The following MMP16 variants were observed in gnomAD, a reference collection of about 807,000 sequenced individuals.
MMP16 encodes matrix metalloproteinase-16.
Under a neutral mutation model 67.8 loss-of-function variants are expected in MMP16, and 12 were observed. The observed-to-expected ratio is 0.18, with a 90% CI of 0.11 to 0.29. The LOEUF (loss-of-function observed/expected upper bound fraction) is 0.29. Ranked by LOEUF, MMP16 falls within the 10% of genes least tolerant of loss-of-function variation. MMP16 has a pLI of 1.00. For missense variants in MMP16, 475 were observed against 765.7 expected, an observed-to-expected ratio of 0.62 and a Z score of 4.48; for synonymous variants, 249 against 255.9, an observed-to-expected ratio of 0.97 and a Z score of 0.26.
At chr8:88,142,888 C>T (rs1808235167) in intron 4 of MMP16, among the ~76,000 whole-genome samples, 1 of 152,032 alleles carries the variant, frequency 6.6e-6, no homozygotes, top group Non-Finnish European at 1.5e-5. Flanking sequence ...CTCGATTGTT[C>T]TATTGTCAAT....
intron 3 of MMP16, among the ~76,000 whole-genome samples, chr8:88,185,102 T>G (rs1809052898): frequency 6.6e-6 from 1 of 152,150 alleles, no homozygotes. Flanking sequence ...GTAAGTAGCA[T>G]AAGACAATAA....
intron 4 of MMP16, among the ~76,000 whole-genome samples, chr8:88,129,810 T>C (rs1480452957): frequency 1.3e-5 from 2 of 151,618 alleles, no homozygotes; most frequent in Non-Finnish European, 3.0e-5. Context: ...CACATATATG[T>C]ATAAAAATTC....
chr8:88,295,494 T>A (rs1810997580), intron 1 of MMP16, among the ~76,000 whole-genome samples: 1 of 152,196 alleles, frequency 6.6e-6, no homozygotes, highest in Admixed American at 6.5e-5. Flanking sequence ...CACAGCCCAA[T>A]AAAATCAGTA....
intron 1 of MMP16, among the ~76,000 whole-genome samples, chr8:88,264,360 C>T (rs940423337): frequency 1.7e-4 from 26 of 152,022 alleles, no homozygotes; most frequent in Non-Finnish European, 3.1e-4. Context: ...TCACCACACC[C>T]GGCTGATTTT....
intron 3 of MMP16, among the ~76,000 whole-genome samples, chr8:88,173,671 T>C (rs1399617784): frequency 6.6e-6 from 1 of 152,236 alleles, no homozygotes; most frequent in East Asian, 1.9e-4. Flanking sequence ...GAATGTGCTG[T>C]AATATTCTAT....
intron 1 of MMP16, among the ~76,000 whole-genome samples, chr8:88,219,846 T>G (rs757062557): frequency 6.6e-6 from 1 of 152,158 alleles, no homozygotes; most frequent in Non-Finnish European, 1.5e-5. Flanking sequence ...ATTTTTGAGT[T>G]GAATTTTTCA....
At chr8:88,088,127 G>A (rs1808873914) in intron 6 of MMP16, among the ~76,000 whole-genome samples, 1 of 136,304 alleles carries the variant, frequency 7.3e-6, no homozygotes, top group Non-Finnish European at 1.5e-5. Context: ...GAAGACGTCT[G>A]ACTGCGATCA....
intron 6 of MMP16, 97 bp from the exon 7 acceptor site, chr8:88,074,840 CT>C (rs1360166809): frequency 4.9e-6 from 7 of 1,420,836 alleles, no homozygotes; most frequent in Non-Finnish European, 5.7e-6. Flanking sequence ...AGCTGGTTTC[CT>C]TATTTATTGT....
chr8:88,275,358 C>A (rs529282708), intron 1 of MMP16, among the ~76,000 whole-genome samples: 71 of 151,974 alleles, frequency 4.7e-4, no homozygotes, highest in African/African-American at 1.7e-3. Flanking sequence ...TTATATAATG[C>A]CTTTCCTTAA....
intron 1 of MMP16, among the ~76,000 whole-genome samples, chr8:88,285,292 A>C (rs1297274618): frequency 6.6e-6 from 1 of 151,992 alleles, no homozygotes; most frequent in Non-Finnish European, 1.5e-5. Flanking sequence ...GGCGCCTGCC[A>C]CCACGCCCAG....
chr8:88,186,462 G>T lies in MMP16; in HGVS notation c.404+14C>A, dbSNP rs772770567. 1 of 1,612,182 alleles carries T rather than the reference G, an allele frequency of 6.2e-7. No homozygotes were observed. The highest frequency in any genetic ancestry group is 2.2e-5 in the East Asian group (1 of 44,848). ...ATATGGGGAAAAGGGGAGATTAATC[G>T]TGAGTTCTTATACCTGTAAGTGATG... On this transcript the variant is annotated intron_variant, in intron 3 of 9. Coordinates refer to ENST00000286614, the MANE Select transcript of MMP16 (RefSeq NM_005941.5).
At chr8:88,081,508 G>A (rs1419959137) in intron 6 of MMP16, among the ~76,000 whole-genome samples, 2 of 152,074 alleles carry the variant, frequency 1.3e-5, no homozygotes, top group Non-Finnish European at 2.9e-5. Flanking sequence ...CCAGCTACTT[G>A]GGAGGCTGAT....
chr8:88,327,224 T>A lies in MMP16; in HGVS notation c.-18A>T, dbSNP rs931233302. 1.2e-6 allele frequency: 2 copies of A among 1,613,412 alleles called. No homozygotes were observed. The highest frequency in any genetic ancestry group is 2.7e-5 in the African/African-American group (2 of 74,876). On this transcript the variant is annotated 5_prime_UTR_variant, in exon 1 of 10. Coordinates refer to ENST00000286614, the MANE Select transcript of MMP16 (RefSeq NM_005941.5). The stretch of plus-strand genomic sequence containing the variant: ...AAGATCATAGTGAACTGTGCTTCAA[T>A]GGATGGACGAGCTCCCCTTCGTTTT...
rs1809472476 is a variant in MMP16 at position 88,118,260 on chromosome 8, T to C, written c.871+440A>G. 1.3e-5 allele frequency among the ~76,000 whole-genome samples: 2 copies of C among 152,076 alleles called. 1 individual carries two copies. The highest frequency in any genetic ancestry group is 4.1e-4 in the South Asian group (2 of 4,832). Reference sequence around the variant, plus strand: ...TTTGTGGGCCTTCAAAAGTGTTTTGTCTAGGAAATACCTAACATCAAATCT... The same window carrying C: ...TTTGTGGGCCTTCAAAAGTGTTTTGCCTAGGAAATACCTAACATCAAATCT... On this transcript the variant is annotated intron_variant, in intron 5 of 9. Transcript: ENST00000286614.
chr8:88,213,286 G>A (rs933489606), intron 1 of MMP16, among the ~76,000 whole-genome samples: 6 of 151,982 alleles, frequency 3.9e-5, no homozygotes, highest in African/African-American at 1.2e-4. Flanking sequence ...GATAAATACC[G>A]CAAATTAAAA....
At chr8:88,246,491 T>C (rs941089814) in intron 1 of MMP16, among the ~76,000 whole-genome samples, 4 of 152,166 alleles carry the variant, frequency 2.6e-5, no homozygotes, top group African/African-American at 9.7e-5. Flanking sequence ...TTAAGATGGT[T>C]GAAAAGATGT....
chr8:88,296,049 G>T (rs1215161079), intron 1 of MMP16, among the ~76,000 whole-genome samples: 2 of 152,076 alleles, frequency 1.3e-5, no homozygotes, highest in Admixed American at 1.3e-4. Flanking sequence ...ACTGAGACTA[G>T]TCCAAATAGA....
rs1409327151 is a variant in MMP16 at position 88,040,416 on chromosome 8, A to C, written c.*1045T>G. On this transcript the variant is annotated 3_prime_UTR_variant, in exon 10 of 10. Transcript: ENST00000286614. ...ATCAGATCGCAAGACCGACAATCCT[A>C]AGACTCTGAAAGCTGGTCTGATAGT... is the stretch of plus-strand genomic sequence containing the variant. 6.6e-6 allele frequency: 1 copy of C among 152,462 alleles called. No homozygotes were observed. The highest frequency in any genetic ancestry group is 1.9e-4 in the East Asian group (1 of 5,184). The allele number at this position is 152,462 out of a possible 1,614,324, so 9.4% of individuals were successfully genotyped here.
intron 2 of MMP16, 141 bp from the exon 3 acceptor site, chr8:88,186,739 G>A: frequency 8.7e-7 from 1 of 1,148,494 alleles, no homozygotes; most frequent in Middle Eastern, 3.0e-4. Flanking sequence ...TAAAGTAAAG[G>A]GAACACTGTG....
Sources: allele counts gnomAD v4.1 joint callset (sites outside exome capture counted in the v4.1 genomes callset), GRCh38; gene constraint gnomAD v4.1.1; transcripts MANE v1.5; gene names NCBI Gene and HGNC (gene_info 2026-07-23, HGNC 2026-07-21).